PTH2R: variants seen among roughly 807,000 people sequenced by gnomAD.
PTH2R encodes the protein parathyroid hormone 2 receptor.
PTH2R carries 59 observed loss-of-function variants against 60.3 expected under a neutral mutation model. The observed-to-expected ratio is 0.98, with a 90% CI of 0.79 to 1.22. The LOEUF is 1.22. PTH2R is among the 50% of genes most tolerant of loss of function. The pLI, the probability that PTH2R is intolerant of heterozygous loss-of-function variation, is 0.00. For missense variants in PTH2R, 749 were observed against 682.6 expected (o/e 1.10, Z -1.08); for synonymous variants, 256 against 243.8 (o/e 1.05, Z -0.47).
intron 1 of PTH2R, among the ~76,000 whole-genome samples, chr2:208,411,101 C>G (rs1365160066): frequency 3.9e-5 from 6 of 152,134 alleles, no homozygotes. Flanking sequence ...CAAAAATTAG[C>G]TGGGCATGGT....
chr2:208,479,341 C>G (rs890868426), intron 9 of PTH2R, among the ~76,000 whole-genome samples: 2 of 152,162 alleles, frequency 1.3e-5, no homozygotes, highest in African/African-American at 2.4e-5. Flanking sequence ...ATCTATACTT[C>G]TTCCTTTTCC....
chr2:208,403,244 G>T (rs1465993537), upstream of PTH2R, among the ~76,000 whole-genome samples: 1 of 152,174 alleles, frequency 6.6e-6, no homozygotes, highest in Non-Finnish European at 1.5e-5. Context: ...AGATTTTCAT[G>T]ATTAGAATTT....
At chr2:208,446,487 G>T (rs1246171476) in intron 7 of PTH2R, among the ~76,000 whole-genome samples, 1 of 152,134 alleles carries the variant, frequency 6.6e-6, no homozygotes, top group African/African-American at 2.4e-5. Flanking sequence ...ATGAAAACCG[G>T]TTGACTTTTC....
intron 1 of PTH2R, among the ~76,000 whole-genome samples, chr2:208,395,188 C>T (rs1343604708): frequency 6.6e-6 from 1 of 152,172 alleles, no homozygotes; most frequent in Non-Finnish European, 1.5e-5. Context: ...GCTGGGACTA[C>T]ATGCGCCCGC....
chr2:208,418,574 C>T (rs1042486468), intron 1 of PTH2R, among the ~76,000 whole-genome samples: 4 of 151,698 alleles, frequency 2.6e-5, no homozygotes, highest in African/African-American at 7.3e-5. Flanking sequence ...TAAAAGGGAA[C>T]ATTTACTTTG....
At position 208,484,085 on chromosome 2, in the gene PTH2R, C is replaced by A. The variant is rs746974100; in HGVS notation, c.1076+2921C>A. On this transcript the variant is annotated intron_variant, in intron 10 of 12. Coordinates refer to ENST00000272847, the MANE Select transcript of PTH2R (RefSeq NM_005048.4). Reference sequence around the variant, plus strand: ...CCATTCTGTTATTACCTTTGTCTAACAAATGTTCAAATATTCTTGCTAAAA... The same window carrying A: ...CCATTCTGTTATTACCTTTGTCTAAAAAATGTTCAAATATTCTTGCTAAAA... Among the ~76,000 whole-genome samples the A allele has an allele frequency of 1.1e-4, 16 of 152,178 alleles. 1 individual carries two copies. The highest frequency in any genetic ancestry group is 2.0e-4 in the Admixed American group (3 of 15,276).
intron 1 of PTH2R, among the ~76,000 whole-genome samples, chr2:208,388,139 C>CCCA (rs1553541026): frequency 1.3e-5 from 2 of 149,444 alleles, no homozygotes; most frequent in African/African-American, 2.5e-5. Flanking sequence ...GAAACCCCCC[C>CCCA]CCCCGTCTCT....
rs996627187 is a variant in PTH2R, at chr2:208,436,734, G to A, written c.179-803G>A. 3.0e-4 allele frequency among the ~76,000 whole-genome samples: 45 copies of A among 152,242 alleles called. No individual in the cohort carries two copies. In the Middle Eastern group the frequency reaches 0.01, roughly 35 times the overall value. On this transcript the variant is annotated intron_variant, in intron 2 of 12. Transcript: ENST00000272847. Reference sequence around the variant, plus strand: ...ATGTCTGGAGACATCCTGTTTCTGGGAGGGCTTGGAACTGAGTCTGGACTG... The same window carrying A: ...ATGTCTGGAGACATCCTGTTTCTGGAAGGGCTTGGAACTGAGTCTGGACTG...
intron 9 of PTH2R, among the ~76,000 whole-genome samples, chr2:208,476,331 C>G (rs1453616253): frequency 1.3e-5 from 2 of 152,020 alleles, no homozygotes; most frequent in Non-Finnish European, 2.9e-5. Context: ...ATTATAAATA[C>G]CAAATTGATT....
chr2:208,494,426 C>T lies in PTH2R; in HGVS notation c.*767C>T, dbSNP rs1703486973. Reference sequence around the variant, plus strand: ...TGTATTTTGATAGCAAATCATGCTGCATCTATATCTTTTTCTTGTTTGAGC... The same window carrying T: ...TGTATTTTGATAGCAAATCATGCTGTATCTATATCTTTTTCTTGTTTGAGC... On this transcript the variant is annotated 3_prime_UTR_variant, in exon 13 of 13. Transcript: ENST00000272847. 6.6e-6 allele frequency: 1 copy of T among 152,198 alleles called. No homozygotes were observed. The highest frequency in any genetic ancestry group is 1.5e-5 in the Non-Finnish European group (1 of 68,038). 9.4% of individuals were successfully genotyped at this position (152,198 alleles called of 1,614,324 possible).
chr2:208,448,279 T>C (rs1344034558), intron 7 of PTH2R, among the ~76,000 whole-genome samples: 4 of 152,216 alleles, frequency 2.6e-5, no homozygotes, highest in African/African-American at 9.6e-5. Context: ...TTGTTTGTTT[T>C]CTTGTTGTGA....
intron 1 of PTH2R, chr2:208,360,320 G>A: frequency 6.1e-6 from 2 of 327,518 alleles, no homozygotes; most frequent in South Asian, 2.4e-5. Flanking sequence ...AGGAACTTTC[G>A]CCACACCCGG....
chr2:208,419,151 T>C (rs2105844404), intron 1 of PTH2R, among the ~76,000 whole-genome samples: 1 of 152,328 alleles, frequency 6.6e-6, no homozygotes, highest in Admixed American at 6.5e-5. Flanking sequence ...TGTAAAGGTG[T>C]TCCTATTTCT....
intron 1 of PTH2R, among the ~76,000 whole-genome samples, chr2:208,413,320 C>T (rs114489097): frequency 6.6e-6 from 1 of 152,148 alleles, no homozygotes; most frequent in Non-Finnish European, 1.5e-5. Flanking sequence ...CCATGTGATG[C>T]CACTCTAGCA....
At chr2:208,435,185 A>T (rs749381505) in intron 2 of PTH2R, among the ~76,000 whole-genome samples, 8 of 152,220 alleles carry the variant, frequency 5.3e-5, no homozygotes, top group Non-Finnish European at 1.0e-4. Flanking sequence ...CTAAGCAAAC[A>T]ACTTGACAAA....
At chr2:208,459,173 T>A (rs1398287533) in intron 8 of PTH2R, among the ~76,000 whole-genome samples, 1 of 152,178 alleles carries the variant, frequency 6.6e-6, no homozygotes, top group Non-Finnish European at 1.5e-5. Flanking sequence ...GATATCTCAT[T>A]GTGGTTTTGA....
At chr2:208,412,325 G>A (rs1433217189) in intron 1 of PTH2R, among the ~76,000 whole-genome samples, 1 of 152,214 alleles carries the variant, frequency 6.6e-6, no homozygotes, top group Non-Finnish European at 1.5e-5. Context: ...GTTGCCTAGA[G>A]GGAGTGACAC....
intron 1 of PTH2R, among the ~76,000 whole-genome samples, chr2:208,417,532 G>A (rs1392157170): frequency 2.1e-5 from 3 of 145,380 alleles, no homozygotes; most frequent in African/African-American, 7.5e-5. Flanking sequence ...ACTGTTCAAA[G>A]GTGGGAATCT....
chr2:208,391,754 C>T (rs1481742452), intron 1 of PTH2R, among the ~76,000 whole-genome samples: 3 of 152,138 alleles, frequency 2.0e-5, no homozygotes, highest in African/African-American at 7.2e-5. Flanking sequence ...CCGCTCTTTC[C>T]CTAATGCTCT....
Sources: gnomAD v4.1 joint callset for allele counts (sites outside exome capture counted in the v4.1 genomes callset) on GRCh38, gnomAD v4.1.1 for gene constraint, MANE v1.5 for transcripts, NCBI Gene and HGNC (gene_info 2026-07-23, HGNC 2026-07-21) for gene names.